Variants in FRY observed in about 807,000 individuals in gnomAD.
FRY encodes the protein FRY microtubule binding protein.
Under a neutral mutation model 348.4 loss-of-function variants are expected in FRY, and 128 were observed. The observed-to-expected ratio is 0.37, with a 90% CI of 0.32 to 0.43. The LOEUF (loss-of-function observed/expected upper bound fraction) is 0.43, where lower values mean the gene tolerates loss of function less well. FRY is among the 20% of genes least tolerant of loss of function. FRY has a pLI of 1.00. For missense variants in FRY, 2,736 were observed against 3,695.2 expected (o/e 0.74, Z 6.73); for synonymous variants, 1,370 against 1,374.7 (o/e 1.00, Z 0.08).
intron 1 of FRY, among the ~76,000 whole-genome samples, chr13:32,039,403 C>G (rs1449133498): frequency 6.6e-6 from 1 of 152,124 alleles, no homozygotes; most frequent in Non-Finnish European, 1.5e-5. Context: ...GTGGTTCTCT[C>G]ACTCTTCAAA....
chr13:32,228,388 G>T (rs575708012), intron 39 of FRY, 68 bp from the exon 40 acceptor site: 2 of 1,147,064 alleles, frequency 1.7e-6, no homozygotes, highest in Non-Finnish European at 2.6e-6. Flanking sequence ...CTCCTCTGTG[G>T]ACCTCATTAA....
chr13:32,054,799 C>T (rs1408239243), intron 1 of FRY, among the ~76,000 whole-genome samples: 4 of 152,090 alleles, frequency 2.6e-5, no homozygotes, highest in Admixed American at 1.3e-4. Flanking sequence ...GGCATGAACC[C>T]GAGTGGCGGA....
In FRY at chr13:32,031,785, A is replaced by C; in HGVS notation, c.-11A>C. 4 of 1,592,980 alleles carry C rather than the reference A, an allele frequency of 2.5e-6. No individual in the cohort carries two copies. The highest frequency in any genetic ancestry group is 3.4e-6 in the Non-Finnish European group (4 of 1,162,422). ...CTGCCCGTCCTCCCAGCCTCTTTGT[A>C]TGCCGCAGACATGGCCAGCCAGCAG... On this transcript the variant is annotated 5_prime_UTR_variant, in exon 1 of 61. An upstream start codon of the reference 5' UTR is lost. Coordinates refer to ENST00000542859, the MANE Select transcript of FRY (RefSeq NM_023037.3).
intron 21 of FRY, 24 bp from the exon 22 acceptor site, chr13:32,178,820 T>A (rs764409655): frequency 6.5e-7 from 1 of 1,544,460 alleles, no homozygotes; most frequent in Non-Finnish European, 9.0e-7. Context: ...AGTTTCACTC[T>A]TGTTTTCGAC....
At chr13:32,136,848 G>C (rs1879755478) in intron 10 of FRY, 23 bp from the exon 11 acceptor site, 6 of 1,207,998 alleles carry the variant, frequency 5.0e-6, no homozygotes, top group Non-Finnish European at 7.4e-6. Flanking sequence ...ATGATCCTGT[G>C]ACCTCCTCTC....
At chr13:32,160,438 C>T (rs1881376450) in intron 16 of FRY, among the ~76,000 whole-genome samples, 1 of 152,114 alleles carries the variant, frequency 6.6e-6, no homozygotes, top group Admixed American at 6.6e-5. Context: ...ATTAAAACAA[C>T]TAAAAATTGA....
At chr13:32,289,768 C>T (rs368789517) in intron 59 of FRY, 25 bp downstream of exon 59, 136 of 1,157,074 alleles carry the variant, frequency 1.2e-4, no homozygotes, top group Non-Finnish European at 1.7e-4. Flanking sequence ...TTCCCAACCC[C>T]ACGTCCCACC....
intron 2 of FRY, among the ~76,000 whole-genome samples, chr13:32,097,635 A>G (rs1876834838): frequency 6.6e-6 from 1 of 151,270 alleles, no homozygotes; most frequent in African/African-American, 2.5e-5. Flanking sequence ...TCCTGGGATT[A>G]TAGCCATAAG....
intron 31 of FRY, among the ~76,000 whole-genome samples, chr13:32,205,924 G>A (rs1226312953): frequency 6.6e-6 from 1 of 151,754 alleles, no homozygotes; most frequent in Non-Finnish European, 1.5e-5. Flanking sequence ...AGAAACCAGA[G>A]CGAAAAGCTG....
chr13:32,182,145 A>G (rs567204239), intron 23 of FRY, among the ~76,000 whole-genome samples: 1 of 152,352 alleles, frequency 6.6e-6, no homozygotes, highest in Non-Finnish European at 1.5e-5. Context: ...TGGGCATACT[A>G]CAGACAAAAT....
intron 7 of FRY, among the ~76,000 whole-genome samples, chr13:32,129,292 T>A (rs1879210837): frequency 6.6e-6 from 1 of 152,162 alleles, no homozygotes; most frequent in Non-Finnish European, 1.5e-5. Flanking sequence ...CTCAGAAGGG[T>A]CAGGCTTCAA....
chr13:32,155,560 C>T lies in FRY; in HGVS notation c.1549C>T (p.Pro517Ser). The T allele has an allele frequency of 6.2e-7, 1 of 1,612,928 alleles. No individual in the cohort carries two copies. The highest frequency in any genetic ancestry group is 8.5e-7 in the Non-Finnish European group (1 of 1,178,922). ...CTTGCAGCAGAAAGATGGGGAACCT[C>T]CCATGCCGGTTACAGGAGCCGTTCT... ...DSLQQKDGEP[P>S]MPVTGAVLPS... The change falls in exon 15 of 61, where the codon CCC becomes TCC. Residue 517 changes from proline (P) to serine (S), a missense_variant. By Grantham distance (74) the Pro-to-Ser change is moderately conservative (BLOSUM62 -1). Transcript: ENST00000542859.
chr13:32,191,140 C>T (rs1883311104), intron 28 of FRY, among the ~76,000 whole-genome samples: 1 of 152,164 alleles, frequency 6.6e-6, no homozygotes, highest in Non-Finnish European at 1.5e-5. Flanking sequence ...AAATTTGATC[C>T]TTTCCTCACA....
chr13:32,076,792 A>T (rs1208835837), intron 1 of FRY, among the ~76,000 whole-genome samples: 1 of 152,212 alleles, frequency 6.6e-6, no homozygotes, highest in East Asian at 1.9e-4. Flanking sequence ...TTATTAGGGA[A>T]CTTTTAGGAG....
intron 55 of FRY, among the ~76,000 whole-genome samples, chr13:32,271,396 C>T (rs1272226090): frequency 6.6e-6 from 1 of 152,166 alleles, no homozygotes; most frequent in East Asian, 1.9e-4. Context: ...AGAAACACCT[C>T]AAGCCATGCA....
chr13:32,074,044 A>G (rs190306538), intron 1 of FRY, among the ~76,000 whole-genome samples: 12 of 152,302 alleles, frequency 7.9e-5, no homozygotes, highest in East Asian at 5.8e-4. Flanking sequence ...AAGTTGGGGG[A>G]AAAATAGTCA....
At chr13:32,057,167 T>G (rs1215950482) in intron 1 of FRY, among the ~76,000 whole-genome samples, 4 of 151,926 alleles carry the variant, frequency 2.6e-5, no homozygotes, top group Non-Finnish European at 5.9e-5. Context: ...TTTTACTTTT[T>G]TTTATTTTTT....
intron 42 of FRY, among the ~76,000 whole-genome samples, 158 bp downstream of exon 42, chr13:32,234,919 C>T (rs750557769): frequency 2.0e-5 from 3 of 152,164 alleles, no homozygotes; most frequent in Non-Finnish European, 4.4e-5. Flanking sequence ...TTTATATTTA[C>T]AAAAATTATT....
At chr13:32,174,526 G>T (rs1047073801) in intron 19 of FRY, among the ~76,000 whole-genome samples, 16 of 152,152 alleles carry the variant, frequency 1.1e-4, no homozygotes, top group African/African-American at 3.9e-4. Context: ...GGATTGGTTT[G>T]GTTATTATCC....
Sources: gnomAD v4.1 joint callset for allele counts (sites outside exome capture counted in the v4.1 genomes callset) on GRCh38, gnomAD v4.1.1 for gene constraint, MANE v1.5 for transcripts, NCBI Gene and HGNC (gene_info 2026-07-23, HGNC 2026-07-21) for gene names.